The following DNAJC10 variants were observed in gnomAD, a reference collection of about 807,000 sequenced individuals.
DNAJC10 encodes endoplasmic reticulum disulfide reductase DNAJC10.
A neutral mutation model predicts 115.0 loss-of-function variants in DNAJC10; 101 were observed. That is an observed-to-expected ratio of 0.88 (90% confidence interval 0.75 to 1.04). The LOEUF (loss-of-function observed/expected upper bound fraction) is 1.04. Among genes scored for constraint, DNAJC10 ranks in the 50% least tolerant of loss-of-function variants. The pLI, the probability that DNAJC10 is intolerant of heterozygous loss-of-function variation, is 0.00. For missense variants in DNAJC10, 981 were observed against 928.8 expected, an observed-to-expected ratio of 1.06 and a Z score of -0.73; for synonymous variants, 307 against 301.5, an observed-to-expected ratio of 1.02 and a Z score of -0.19.
At chr2:182,761,901 C>T (rs999436624) in intron 21 of DNAJC10, among the ~76,000 whole-genome samples, 3 of 151,874 alleles carry the variant, frequency 2.0e-5, no homozygotes, top group Non-Finnish European at 1.5e-5. Context: ...GATCCTCATG[C>T]TGGAAAAAGG....
intron 13 of DNAJC10, among the ~76,000 whole-genome samples, 158 bp from the exon 14 acceptor site, chr2:182,743,440 T>C (rs558165200): frequency 2.0e-5 from 3 of 152,372 alleles, no homozygotes; most frequent in African/African-American, 7.2e-5. Flanking sequence ...TAATATTAAA[T>C]GTAAATGAAT....
rs4605328 is a variant in DNAJC10, at chr2:182,788,797, A to G, written c.*11665A>G. ...TTTTCTAAAATGGACTTCAAGCTCTATGACTTTATGATCACTTAGTATGTC... is the reference window on the plus strand; with the variant it reads ...TTTTCTAAAATGGACTTCAAGCTCTGTGACTTTATGATCACTTAGTATGTC... On this transcript the variant is annotated 3_prime_UTR_variant, in exon 24 of 24. Coordinates refer to ENST00000264065, the MANE Select transcript of DNAJC10 (RefSeq NM_018981.4). The G allele has an allele frequency of 2.7e-3, 1,223 of 455,992 alleles. 32 individuals are homozygous for G. The highest frequency in any genetic ancestry group is 0.018 in the South Asian group (1,177 of 64,062). 28.2% of individuals were successfully genotyped at this position (455,992 alleles called of 1,614,324 possible).
At chr2:182,763,413 C>CG (rs1378399534) in intron 22 of DNAJC10, among the ~76,000 whole-genome samples, 1 of 152,064 alleles carries the variant, frequency 6.6e-6, no homozygotes, top group African/African-American at 2.4e-5. Context: ...TCCAGCTGAA[C>CG]GGGGGCAAGA....
In DNAJC10 at chr2:182,780,161, G is replaced by A. The variant is rs1483514810; in HGVS notation, c.*3029G>A. On this transcript the variant is annotated 3_prime_UTR_variant, in exon 24 of 24. Coordinates refer to ENST00000264065, the MANE Select transcript of DNAJC10 (RefSeq NM_018981.4). The stretch of plus-strand genomic sequence containing the variant: ...ATACCCAAATTCTTCTAGTGAAGAA[G>A]TTTGTAATATGGTTTGAGTATTTGT... 1 of 152,088 alleles carries A rather than the reference G, an allele frequency of 6.6e-6. No individual in the cohort carries two copies. Among genetic ancestry groups the A allele is most frequent in the Non-Finnish European group, 1.5e-5 (1 of 68,012 alleles). 9.4% of individuals were successfully genotyped at this position (152,088 alleles called of 1,614,324 possible). A position where few individuals can be genotyped will look rare whatever the true frequency, so the allele number is the denominator to read the frequency against.
chr2:182,757,917 C>G (rs975138739), intron 19 of DNAJC10, 92 bp downstream of exon 19: 11 of 748,048 alleles, frequency 1.5e-5, no homozygotes, highest in Non-Finnish European at 2.2e-5. Flanking sequence ...AAAGTTAACC[C>G]AACAAATATT....
chr2:182,747,401 T>A (rs1693896173), intron 14 of DNAJC10, among the ~76,000 whole-genome samples: 1 of 151,488 alleles, frequency 6.6e-6, no homozygotes. Context: ...TCCTCTTTTA[T>A]TTCCTTGAGC....
At chr2:182,754,700 C>T (rs1312494613) in intron 16 of DNAJC10, 2 of 1,056,852 alleles carry the variant, frequency 1.9e-6, no homozygotes, top group Non-Finnish European at 2.3e-6. Flanking sequence ...TACCTTGGTT[C>T]AGGAGAGTAA....
intron 22 of DNAJC10, among the ~76,000 whole-genome samples, chr2:182,774,537 T>C (rs1694652459): frequency 6.6e-6 from 1 of 152,188 alleles, no homozygotes; most frequent in African/African-American, 2.4e-5. Flanking sequence ...TTTGTTTACC[T>C]TCTCAAGCCT....
At chr2:182,732,916 T>C (rs1412871247) in intron 10 of DNAJC10, among the ~76,000 whole-genome samples, 1 of 152,040 alleles carries the variant, frequency 6.6e-6, no homozygotes. Context: ...CTGAGTGATG[T>C]TGATTTTTTA....
rs775269690 is a variant in DNAJC10, at chr2:182,751,718, C to G, written c.1367C>G (p.Thr456Ser). Residue 456 changes from threonine to serine, a missense_variant, in exon 15 of 24, where the codon ACC becomes AGC. Coordinates refer to ENST00000264065, the MANE Select transcript of DNAJC10 (RefSeq NM_018981.4). Reference sequence around the variant, plus strand: ...AAAGAAAGTGTGAATTCTCATGTTACCACGCTTGGACCTCAAAATTTTCCT... The same window carrying G: ...AAAGAAAGTGTGAATTCTCATGTTAGCACGCTTGGACCTCAAAATTTTCCT... The part of the protein sequence containing the change: ...FAKESVNSHV[T>S]TLGPQNFPAN... 1.9e-5 allele frequency: 31 copies of G among 1,613,954 alleles called. No individual in the cohort carries two copies. The highest frequency in any genetic ancestry group is 2.6e-5 in the Non-Finnish European group (31 of 1,179,868).
chr2:182,735,418 A>ACTT (rs755937382), intron 10 of DNAJC10, among the ~76,000 whole-genome samples: 36 of 151,988 alleles, frequency 2.4e-4, no homozygotes, highest in Non-Finnish European at 4.9e-4. Context: ...GCTCCCATGT[A>ACTT]ACACCACCTA....
chr2:182,765,700 A>C (rs1694393486), intron 22 of DNAJC10, among the ~76,000 whole-genome samples: 1 of 152,160 alleles, frequency 6.6e-6, no homozygotes, highest in Non-Finnish European at 1.5e-5. Context: ...GTTCTCGAAA[A>C]GAGAGCCCCA....
intron 7 of DNAJC10, 103 bp downstream of exon 7, chr2:182,729,097 T>C (rs757321256): frequency 1.4e-5 from 17 of 1,253,974 alleles, no homozygotes; most frequent in Admixed American, 2.0e-5. Flanking sequence ...TTTTAAGTCT[T>C]GTTTTACAAG....
At chr2:182,722,202 TG>T in intron 5 of DNAJC10, 127 bp downstream of exon 5, 1 of 615,600 alleles carries the variant, frequency 1.6e-6, no homozygotes, top group Admixed American at 3.0e-5. Flanking sequence ...TGTAATATAC[TG>T]TATCTTAAAT....
At chr2:182,727,323 C>G (rs960394091) in intron 5 of DNAJC10, among the ~76,000 whole-genome samples, 4 of 152,052 alleles carry the variant, frequency 2.6e-5, no homozygotes, top group Non-Finnish European at 4.4e-5. Context: ...AACAGTAATA[C>G]CTTGTGTAAT....
chr2:182,727,519 G>C (rs78187009), intron 5 of DNAJC10, among the ~76,000 whole-genome samples: 5,730 of 152,142 alleles, frequency 0.038, 136 homozygotes, highest in Non-Finnish European at 0.061. Flanking sequence ...TCATTTGCCA[G>C]ACTTTGAAAA....
At chr2:182,732,412 A>G (rs1322391868) in intron 9 of DNAJC10, 87 bp from the exon 10 acceptor site, 3 of 1,267,474 alleles carry the variant, frequency 2.4e-6, no homozygotes, top group East Asian at 2.3e-5. Flanking sequence ...TCGAATGAAC[A>G]TGGTAATTTG....
chr2:182,719,197 A>G (rs1693078126), intron 3 of DNAJC10, among the ~76,000 whole-genome samples: 1 of 150,312 alleles, frequency 6.7e-6, no homozygotes, highest in South Asian at 2.1e-4. Flanking sequence ...AACAAATTTT[A>G]TGAAGCACAG....
intron 14 of DNAJC10, among the ~76,000 whole-genome samples, chr2:182,746,594 A>G (rs900471733): frequency 6.6e-6 from 1 of 151,794 alleles, no homozygotes; most frequent in Non-Finnish European, 1.5e-5. Context: ...TTTTTCTTGT[A>G]AATTTGTGTG....
Sources: gnomAD v4.1 joint callset for allele counts (sites outside exome capture counted in the v4.1 genomes callset) on GRCh38, gnomAD v4.1.1 for gene constraint, MANE v1.5 for transcripts, NCBI Gene and HGNC (gene_info 2026-07-23, HGNC 2026-07-21) for gene names.